The following NXPE2 variants were observed in gnomAD, a reference collection of about 807,000 sequenced individuals.
NXPE2 encodes the protein neurexophilin and PC-esterase domain family member 2, also known as NXPE family member 2.
A neutral mutation model predicts 34.4 loss-of-function variants in NXPE2; 34 were observed. The observed-to-expected ratio is 0.99, with a 90% CI of 0.75 to 1.31. The LOEUF (loss-of-function observed/expected upper bound fraction) is 1.31, where lower values mean the gene tolerates loss of function less well. Among genes scored for constraint, NXPE2 ranks in the 40% most tolerant of loss-of-function variants. NXPE2 has a pLI of 0.00. For missense variants in NXPE2, 649 were observed against 672.5 expected, an observed-to-expected ratio of 0.97 and a Z score of 0.39; for synonymous variants, 235 against 231.3, an observed-to-expected ratio of 1.02 and a Z score of -0.15.
the NXPE2 span, among the ~76,000 whole-genome samples, chr11:114,809,439 A>ACT: frequency 6.7e-6 from 1 of 149,052 alleles, no homozygotes; most frequent in African/African-American, 2.5e-5. Flanking sequence ...GTATATCTAG[A>ACT]AAACCCCATT....
At chr11:114,663,939 T>A in the NXPE2 span, among the ~76,000 whole-genome samples, 1 of 152,130 alleles carries the variant, frequency 6.6e-6, no homozygotes. Flanking sequence ...TTTGGCACAT[T>A]GCTGATGGGG....
the NXPE2 span, among the ~76,000 whole-genome samples, chr11:114,558,347 G>C: frequency 6.6e-6 from 1 of 152,088 alleles, no homozygotes; most frequent in Non-Finnish European, 1.5e-5. Flanking sequence ...GGCACACATA[G>C]AGAACAAAGA....
At chr11:114,565,256 G>C in the NXPE2 span, among the ~76,000 whole-genome samples, 1 of 152,088 alleles carries the variant, frequency 6.6e-6, no homozygotes, top group African/African-American at 2.4e-5. Flanking sequence ...GTCATATTTT[G>C]GATATATTCT....
chr11:114,811,514 G>T, the NXPE2 span, among the ~76,000 whole-genome samples: 3 of 152,160 alleles, frequency 2.0e-5, no homozygotes, highest in African/African-American at 7.2e-5. Flanking sequence ...AAAGAATGGT[G>T]AGAAAAATCC....
chr11:114,628,363 A>T, the NXPE2 span, among the ~76,000 whole-genome samples: 1 of 152,208 alleles, frequency 6.6e-6, no homozygotes, highest in Non-Finnish European at 1.5e-5. Context: ...AGGATTAAGA[A>T]TCTCACTCAA....
the NXPE2 span, chr11:114,550,968 G>A: frequency 3.3e-6 from 2 of 597,836 alleles, no homozygotes; most frequent in Non-Finnish European, 3.0e-6. Context: ...AAGGAGTTAG[G>A]TAGAGAGAGA....
the NXPE2 span, among the ~76,000 whole-genome samples, chr11:114,525,007 G>A: frequency 5.3e-3 from 807 of 152,062 alleles, 4 homozygotes; most frequent in East Asian, 0.018. Flanking sequence ...AATCTTGCCC[G>A]TAGGTCAAAC....
chr11:114,710,651 T>C (rs1443918865), downstream of NXPE2, among the ~76,000 whole-genome samples: 2 of 152,042 alleles, frequency 1.3e-5, no homozygotes, highest in Non-Finnish European at 1.5e-5. Flanking sequence ...CCAGATGGCT[T>C]CAGTGGAGAA....
At chr11:114,617,898 G>A in the NXPE2 span, among the ~76,000 whole-genome samples, 2 of 152,030 alleles carry the variant, frequency 1.3e-5, no homozygotes, top group Admixed American at 6.6e-5. Flanking sequence ...CGGATAATAA[G>A]TATTGCCTCA....
the NXPE2 span, among the ~76,000 whole-genome samples, chr11:114,540,994 T>A: frequency 6.6e-6 from 1 of 151,796 alleles, no homozygotes; most frequent in South Asian, 2.1e-4. Context: ...GAGTATGAAC[T>A]TTGCTTAGAT....
At chr11:114,529,069 C>A in the NXPE2 span, 9 of 373,642 alleles carry the variant, frequency 2.4e-5, no homozygotes, top group Admixed American at 4.0e-4. Context: ...TTGGTGCCTA[C>A]TCTTAGCATA....
Position 114,706,516 on chromosome 11 carries a change from A to C in NXPE2, c.1266A>C (p.Leu422Phe), listed in dbSNP as rs759267381. 1.9e-6 allele frequency: 3 copies of C among 1,551,880 alleles called. No homozygotes were observed. Among genetic ancestry groups the C allele is most frequent in the Non-Finnish European group, 2.6e-6 (3 of 1,146,980 alleles). The change falls in exon 6 of 6, where the codon TTA (leucine) becomes TTC (phenylalanine). Residue 422 changes from leucine to phenylalanine, a missense_variant. Transcript: ENST00000389586. Reference protein sequence around the residue: ...KHGHPFVTKKLFSVKDENYIP... With the variant: ...KHGHPFVTKKFFSVKDENYIP... ...GTCATCCATTTGTTACCAAAAAATT[A>C]TTCTCAGTGAAAGATGAAAACTATA...
the NXPE2 span, among the ~76,000 whole-genome samples, chr11:114,632,034 A>G: frequency 6.8e-6 from 1 of 146,070 alleles, no homozygotes; most frequent in Non-Finnish European, 1.5e-5. Flanking sequence ...TATACTTTAT[A>G]TATAATATAT....
chr11:114,636,876 T>C, the NXPE2 span, among the ~76,000 whole-genome samples: 3 of 152,204 alleles, frequency 2.0e-5, no homozygotes, highest in African/African-American at 7.2e-5. Context: ...GAGAGGTTTA[T>C]TTCCAAGTAT....
the NXPE2 span, among the ~76,000 whole-genome samples, chr11:114,794,047 C>T: frequency 6.6e-6 from 1 of 152,294 alleles, no homozygotes; most frequent in African/African-American, 2.4e-5. Flanking sequence ...CTGCCTGTCT[C>T]CTGCCTCAGC....
chr11:114,632,367 T>G, the NXPE2 span, among the ~76,000 whole-genome samples: 3 of 134,330 alleles, frequency 2.2e-5, no homozygotes, highest in African/African-American at 8.1e-5. Context: ...TATTATATAT[T>G]ACATATAGTT....
the NXPE2 span, among the ~76,000 whole-genome samples, chr11:114,765,163 A>C: frequency 6.6e-6 from 1 of 152,184 alleles, no homozygotes; most frequent in African/African-American, 2.4e-5. Context: ...TGAACTCTTT[A>C]AGCTGATGGC....
the NXPE2 span, chr11:114,554,270 C>G: frequency 1.0e-6 from 1 of 975,104 alleles, no homozygotes; most frequent in Non-Finnish European, 1.2e-6. Flanking sequence ...GTGGCCAGGA[C>G]ACTGAGTTCT....
At chr11:114,534,107 C>A in the NXPE2 span, among the ~76,000 whole-genome samples, 1 of 152,218 alleles carries the variant, frequency 6.6e-6, no homozygotes, top group African/African-American at 2.4e-5. Flanking sequence ...AACGATCAGG[C>A]AGCAGCATTT....
Sources: gnomAD v4.1 joint callset for allele counts (sites outside exome capture counted in the v4.1 genomes callset) on GRCh38, gnomAD v4.1.1 for gene constraint, MANE v1.5 for transcripts, NCBI Gene and HGNC (gene_info 2026-07-23, HGNC 2026-07-21) for gene names.